Variants in PARD3B observed in about 807,000 individuals in gnomAD.
The protein encoded by PARD3B is partitioning defective 3 homolog B.
A neutral mutation model predicts 130.2 loss-of-function variants in PARD3B; 103 were observed. The observed-to-expected ratio is 0.79, with a 90% CI of 0.67 to 0.93. The LOEUF (loss-of-function observed/expected upper bound fraction) is 0.93. Ranked by LOEUF, PARD3B falls within the 40% of genes least tolerant of loss-of-function variation. The pLI is 0.00. For synonymous variants in PARD3B, 583 were observed against 553.2 expected (o/e 1.05, Z -0.76); for missense variants, 1,609 against 1,499.2 (o/e 1.07, Z -1.21).
At chr2:205,082,465 C>G (rs774597086) in intron 4 of PARD3B, among the ~76,000 whole-genome samples, 5 of 152,212 alleles carry the variant, frequency 3.3e-5, no homozygotes, top group Non-Finnish European at 7.3e-5. Flanking sequence ...CTTTCTCTCT[C>G]TGTCTCTCTC....
chr2:205,398,988 G>A (rs571505648), intron 18 of PARD3B, among the ~76,000 whole-genome samples: 4 of 152,122 alleles, frequency 2.6e-5, no homozygotes, highest in African/African-American at 9.7e-5. Context: ...TCTAAGAATC[G>A]CTGGGCACGG....
chr2:204,727,036 C>T (rs1037607154), intron 2 of PARD3B, among the ~76,000 whole-genome samples: 5 of 152,246 alleles, frequency 3.3e-5, no homozygotes, highest in Admixed American at 6.5e-5. Context: ...ACATTTCTGA[C>T]CTTTGATTCA....
At chr2:205,414,035 G>T (rs2046690380) in intron 19 of PARD3B, among the ~76,000 whole-genome samples, 1 of 152,122 alleles carries the variant, frequency 6.6e-6, no homozygotes, top group Admixed American at 6.6e-5. Context: ...ATTTTGAGCT[G>T]ATTCAGTCAG....
chr2:204,731,173 A>G (rs1015060886), intron 2 of PARD3B, among the ~76,000 whole-genome samples: 1 of 152,196 alleles, frequency 6.6e-6, no homozygotes, highest in Non-Finnish European at 1.5e-5. Context: ...TAGCATAATA[A>G]TATTAAACAA....
intron 3 of PARD3B, among the ~76,000 whole-genome samples, chr2:205,035,828 T>TATATATATATATATAGTGGG (rs1559374303): frequency 7.5e-4 from 6 of 7,974 alleles, no homozygotes; most frequent in African/African-American, 1.6e-3. Flanking sequence ...TATCTATATA[T>TATATATATATATATAGTGGG]CTATATATAT....
chr2:204,569,154 GT>G (rs1194721531), intron 1 of PARD3B, among the ~76,000 whole-genome samples: 3 of 152,086 alleles, frequency 2.0e-5, no homozygotes, highest in African/African-American at 4.8e-5. Flanking sequence ...GGAAGACTCA[GT>G]TTTTTTGCTT....
chr2:204,585,607 G>T (rs1318720951), intron 1 of PARD3B, among the ~76,000 whole-genome samples: 1 of 151,364 alleles, frequency 6.6e-6, no homozygotes, highest in Admixed American at 6.6e-5. Context: ...GCCTCCCAAA[G>T]TGCTGGGATT....
chr2:204,559,408 C>T (rs1474620939), intron 1 of PARD3B, among the ~76,000 whole-genome samples: 7 of 152,192 alleles, frequency 4.6e-5, no homozygotes, highest in Non-Finnish European at 8.8e-5. Flanking sequence ...CAAAAGAAGA[C>T]ATTTATGCAG....
intron 22 of PARD3B, among the ~76,000 whole-genome samples, chr2:205,579,825 T>A (rs1490067804): frequency 6.6e-6 from 1 of 152,244 alleles, no homozygotes; most frequent in Non-Finnish European, 1.5e-5. Context: ...CTATTCTTTT[T>A]TAATTTTTGA....
intron 21 of PARD3B, among the ~76,000 whole-genome samples, chr2:205,511,962 G>A (rs1408981819): frequency 2.0e-5 from 3 of 152,058 alleles, no homozygotes; most frequent in Non-Finnish European, 2.9e-5. Context: ...ACATCATTTG[G>A]TTCTTATTAA....
intron 2 of PARD3B, among the ~76,000 whole-genome samples, chr2:204,929,489 G>A (rs555216268): frequency 6.6e-6 from 1 of 152,066 alleles, no homozygotes; most frequent in African/African-American, 2.4e-5. Flanking sequence ...AAAATTACTG[G>A]GAAAGTCCTT....
rs575172289 is a variant in PARD3B, at chr2:205,244,406, G to C, written c.2141-1372G>C. Among the ~76,000 whole-genome samples the C allele has an allele frequency of 6.6e-6, 1 of 152,294 alleles. No individual in the cohort carries two copies. The highest frequency in any genetic ancestry group is 2.4e-5 in the African/African-American group (1 of 41,558). On this transcript the variant is annotated intron_variant, in intron 15 of 22. Transcript: ENST00000406610. This position sits in a 1 kb window ranked among gnomAD's most constrained non-coding sequence, Gnocchi z 4.7. Reference sequence around the variant, plus strand: ...AGCTTTTGTTGAATATTAAAGTGATGATCTATGCAGAGATGCTTAAGGATT... The same window carrying C: ...AGCTTTTGTTGAATATTAAAGTGATCATCTATGCAGAGATGCTTAAGGATT...
chr2:205,064,199 A>T (rs906283515), intron 4 of PARD3B, among the ~76,000 whole-genome samples: 85 of 152,106 alleles, frequency 5.6e-4, no homozygotes, highest in Non-Finnish European at 1.0e-3. Flanking sequence ...GGACTTTTTT[A>T]TTTTTTTATT....
intron 3 of PARD3B, among the ~76,000 whole-genome samples, chr2:205,005,648 A>G (rs912257277): frequency 6.6e-6 from 1 of 152,218 alleles, no homozygotes; most frequent in African/African-American, 2.4e-5. Context: ...AAGAGTATTG[A>G]TATTTATATG....
intron 2 of PARD3B, among the ~76,000 whole-genome samples, chr2:204,932,887 G>A (rs1688133124): frequency 6.6e-6 from 1 of 152,148 alleles, no homozygotes; most frequent in African/African-American, 2.4e-5. Context: ...ACTGGTAGTG[G>A]TAACCCCAGG....
At chr2:204,592,327 T>A (rs1488209910) in intron 1 of PARD3B, among the ~76,000 whole-genome samples, 2 of 152,242 alleles carry the variant, frequency 1.3e-5, no homozygotes, top group Non-Finnish European at 2.9e-5. Context: ...AGAGCACATG[T>A]GAGCTTATTT....
intron 7 of PARD3B, 56 bp downstream of exon 7, chr2:205,119,102 C>T: frequency 6.6e-7 from 1 of 1,521,694 alleles, no homozygotes; most frequent in South Asian, 1.3e-5. Context: ...TGGTTATAAG[C>T]ATTACTGAAC....
chr2:204,763,055 C>A (rs757372583), intron 2 of PARD3B, among the ~76,000 whole-genome samples: 2 of 152,274 alleles, frequency 1.3e-5, no homozygotes, highest in South Asian at 2.1e-4. Flanking sequence ...CCACTGCGCC[C>A]GGCCTTGTTC....
intron 6 of PARD3B, among the ~76,000 whole-genome samples, chr2:205,117,014 A>C (rs542999190): frequency 2.8e-4 from 43 of 152,290 alleles, no homozygotes; most frequent in African/African-American, 8.7e-4. Flanking sequence ...CTGATGATGT[A>C]CTGAATTAAA....
Sources: gnomAD v4.1 joint callset for allele counts (sites outside exome capture counted in the v4.1 genomes callset) on GRCh38, gnomAD v4.1.1 for gene constraint, Gnocchi (gnomAD v3.1) non-coding constraint, MANE v1.5 for transcripts, NCBI Gene and HGNC (gene_info 2026-07-23, HGNC 2026-07-21) for gene names.